PLXNA4: variants seen among roughly 807,000 people sequenced by gnomAD.
PLXNA4 encodes the protein plexin A4.
A neutral mutation model predicts 191.8 loss-of-function variants in PLXNA4; 44 were observed. The ratio of observed to expected loss-of-function variants is 0.23; its 90% CI spans 0.18 to 0.29. The LOEUF (loss-of-function observed/expected upper bound fraction) is 0.29, where lower values mean the gene tolerates loss of function less well. Among genes scored for constraint, PLXNA4 ranks in the 10% least tolerant of loss-of-function variants. The probability of loss-of-function intolerance (pLI) is 1.00; values close to 1 mark genes in which losing one functional copy is unlikely to be tolerated. For missense variants in PLXNA4, 1,800 were observed against 2,488.8 expected, an observed-to-expected ratio of 0.72 and a Z score of 5.89; for synonymous variants, 1,082 against 1,009.5, an observed-to-expected ratio of 1.07 and a Z score of -1.36.
intron 29 of PLXNA4, among the ~76,000 whole-genome samples, chr7:132,143,482 T>C (rs1795328778): frequency 1.3e-5 from 2 of 152,208 alleles, no homozygotes; most frequent in Admixed American, 1.3e-4. Context: ...TAAAAGCAGG[T>C]AGAAATGTTT....
chr7:132,597,920 C>T (rs1802747427), intron 2 of PLXNA4, among the ~76,000 whole-genome samples: 1 of 150,930 alleles, frequency 6.6e-6, no homozygotes, highest in Non-Finnish European at 1.5e-5. Context: ...CCATCGTATG[C>T]TTCTACCACA....
chr7:132,516,773 T>A (rs1662515142), intron 1 of PLXNA4, among the ~76,000 whole-genome samples: 1 of 152,008 alleles, frequency 6.6e-6, no homozygotes, highest in Admixed American at 6.6e-5. Context: ...GCCTAGCCAA[T>A]ATAGTGAAAC....
chr7:132,491,502 A>G (rs1797797559), intron 2 of PLXNA4, among the ~76,000 whole-genome samples: 1 of 152,156 alleles, frequency 6.6e-6, no homozygotes, highest in Non-Finnish European at 1.5e-5. Flanking sequence ...GAAAACGGGG[A>G]GAGCGTGGGC....
intron 5 of PLXNA4, among the ~76,000 whole-genome samples, chr7:132,232,113 C>T (rs1410833809): frequency 6.6e-6 from 1 of 152,186 alleles, no homozygotes. Flanking sequence ...GAATGGTCTT[C>T]TGCTTTTCTA....
intron 21 of PLXNA4, among the ~76,000 whole-genome samples, chr7:132,174,357 A>G (rs998478139): frequency 1.3e-5 from 2 of 152,214 alleles, no homozygotes; most frequent in African/African-American, 4.8e-5. Flanking sequence ...ACCTTTTCCA[A>G]TTAAACACTA....
chr7:132,569,247 A>T (rs1471289618), intron 1 of PLXNA4, among the ~76,000 whole-genome samples: 2 of 152,236 alleles, frequency 1.3e-5, no homozygotes, highest in Non-Finnish European at 2.9e-5. Flanking sequence ...TTCACTGGGA[A>T]GGCAGGGCCA....
At chr7:132,438,008 C>A (rs374045020) in intron 3 of PLXNA4, among the ~76,000 whole-genome samples, 1 of 152,190 alleles carries the variant, frequency 6.6e-6, no homozygotes, top group African/African-American at 2.4e-5. Context: ...GGGGCAGGAA[C>A]TGCATCCAGC....
In PLXNA4 at chr7:132,189,023, A is replaced by G. The variant is rs1562909094; in HGVS notation, c.2857-1416T>C. ...GAGAGAGAGAGAGAGAGAGAGAGAG[A>G]GAGAGAAAGAGAGAGAGAGAGAGAG... On this transcript the variant is annotated intron_variant, in intron 14 of 31. Transcript: ENST00000321063. 1.3e-3 allele frequency among the ~76,000 whole-genome samples: 111 copies of G among 82,314 alleles called. 2 individuals are homozygous for G. Among genetic ancestry groups the G allele is most frequent in the African/African-American group, 2.8e-3 (53 of 19,164 alleles). The allele number at this position is 82,314 out of a possible 152,430, so 54.0% of individuals were successfully genotyped here. A position where few individuals can be genotyped will look rare whatever the true frequency, so the allele number is the denominator to read the frequency against.
At chr7:132,137,872 G>C (rs951250469) in intron 30 of PLXNA4, among the ~76,000 whole-genome samples, 4 of 151,270 alleles carry the variant, frequency 2.6e-5, no homozygotes, top group African/African-American at 9.7e-5. Flanking sequence ...AGTGAGAGGA[G>C]AGAAGGGAGG....
At chr7:132,256,855 G>A (rs138472691) in intron 4 of PLXNA4, among the ~76,000 whole-genome samples, 23 of 152,288 alleles carry the variant, frequency 1.5e-4, no homozygotes, top group African/African-American at 2.9e-4. Flanking sequence ...TGAGTGATAC[G>A]GCAGGTGGAA....
intron 3 of PLXNA4, among the ~76,000 whole-genome samples, chr7:132,465,557 T>C (rs757157769): frequency 1.3e-5 from 2 of 152,004 alleles, no homozygotes; most frequent in African/African-American, 2.4e-5. Context: ...AGTGGGAAAA[T>C]GTAGTCCAAC....
At chr7:132,148,721 T>A (rs989287513) in intron 25 of PLXNA4, 75 bp from the exon 26 acceptor site, 1 of 1,600,202 alleles carries the variant, frequency 6.2e-7, no homozygotes, top group African/African-American at 1.3e-5. Context: ...CCTGTGTAGG[T>A]ACCTATGCAG....
chr7:132,354,326 T>C (rs1420764950), intron 3 of PLXNA4, among the ~76,000 whole-genome samples: 1 of 152,190 alleles, frequency 6.6e-6, no homozygotes, highest in Admixed American at 6.5e-5. Flanking sequence ...GGAGTTTTTA[T>C]TTGAAACCCA....
intron 5 of PLXNA4, among the ~76,000 whole-genome samples, chr7:132,229,984 T>C (rs947314057): frequency 6.6e-6 from 1 of 152,018 alleles, no homozygotes; most frequent in African/African-American, 2.4e-5. Context: ...TTGAAGGCCA[T>C]GGACTGAAGC....
chr7:132,244,393 C>A (rs1329034579), intron 4 of PLXNA4, among the ~76,000 whole-genome samples: 1 of 152,224 alleles, frequency 6.6e-6, no homozygotes, highest in Non-Finnish European at 1.5e-5. Flanking sequence ...AGACAATCAT[C>A]TGGGCAGCTA....
intron 1 of PLXNA4, among the ~76,000 whole-genome samples, chr7:132,516,220 TTTTATTTATTTATTTATTTATTTA>T (rs58035948): frequency 5.4e-5 from 8 of 148,322 alleles, no homozygotes; most frequent in Non-Finnish European, 1.0e-4. Context: ...CATTTTGTCC[TTTTATTTATTTATTTATTTATTTA>T]TTTATTTATT....
At position 132,179,813 on chromosome 7, in the gene PLXNA4, T is replaced by G. The variant is rs774362014; in HGVS notation, c.3748A>C (p.Ile1250Leu). The change falls in exon 20 of 32, where the codon ATC (isoleucine) becomes CTC (leucine). Residue 1250 changes from isoleucine (I) to leucine (L), a missense_variant. This residue lies in a region of PLXNA4 where 1,397 missense variants were observed against 1,880.4 expected (regional missense o/e 0.74). Transcript: ENST00000321063. ...ATGAGCACGGCCACGATGAAAATGA[T>G]GAGGAGGCCGCCAGCCACTGCGATG... ...VSIAVAGGLL[I>L]IFIVAVLIAY... is the part of the protein sequence containing the mutation. The G allele has an allele frequency of 5.6e-6, 9 of 1,612,652 alleles. No homozygotes were observed. Among genetic ancestry groups the G allele is most frequent in the African/African-American group, 1.3e-5 (1 of 74,870 alleles).
chr7:132,636,598 G>A (rs1322803605), intron 2 of PLXNA4, among the ~76,000 whole-genome samples: 1 of 152,220 alleles, frequency 6.6e-6, no homozygotes, highest in Admixed American at 6.5e-5. Context: ...GGCCCAGGGA[G>A]TAGCAGCCAG....
chr7:132,354,195 G>A lies in PLXNA4; in HGVS notation c.1372-55973C>T, dbSNP rs1488816272. On this transcript the variant is annotated intron_variant, in intron 3 of 31. Transcript: ENST00000321063. ...GCACCAACAGTGTGTGCGTGTGTGTGTGTGTGTGTGAGTGCACTGCACACT... is the reference window on the plus strand; with the variant it reads ...GCACCAACAGTGTGTGCGTGTGTGTATGTGTGTGTGAGTGCACTGCACACT... 4.6e-5 allele frequency among the ~76,000 whole-genome samples: 7 copies of A among 152,172 alleles called. No homozygotes were observed. In the East Asian group the frequency reaches 1.3e-3, roughly 29 times the overall value.
Sources: allele counts gnomAD v4.1 joint callset (sites outside exome capture counted in the v4.1 genomes callset), GRCh38; gene constraint gnomAD v4.1.1; regional missense constraint gnomAD v4.1.1; transcripts MANE v1.5; gene names NCBI Gene and HGNC (gene_info 2026-07-23, HGNC 2026-07-21).